The following DCX variants were observed in gnomAD, a reference collection of about 807,000 sequenced individuals.
DCX encodes the protein neuronal migration protein doublecortin.
A neutral mutation model predicts 20.9 loss-of-function variants in DCX; 4 were observed. The observed-to-expected ratio is 0.19, with a 90% CI of 0.09 to 0.44. The LOEUF is 0.44. Among genes scored for constraint, DCX ranks in the 20% least tolerant of loss-of-function variants. The probability of loss-of-function intolerance (pLI) is 0.99; values close to 1 mark genes in which losing one functional copy is unlikely to be tolerated. For missense variants in DCX, 133 were observed against 296.9 expected, an observed-to-expected ratio of 0.45 and a Z score of 4.06; for synonymous variants, 103 against 111.4, an observed-to-expected ratio of 0.92 and a Z score of 0.47.
chrX:111,352,660 A>G (rs1923406214), intron 3 of DCX, among the ~76,000 whole-genome samples: 1 of 111,494 alleles, frequency 9.0e-6, no homozygotes, highest in Non-Finnish European at 1.9e-5. Context: ...TGCTGTACTC[A>G]TTTCATTAGG....
At chrX:111,352,018 C>T (rs1300887660) in intron 3 of DCX, among the ~76,000 whole-genome samples, 4 of 112,049 alleles carry the variant, frequency 3.6e-5, no homozygotes, top group African/African-American at 1.3e-4. Flanking sequence ...AGCCACTGTG[C>T]CTGGCCTGCA....
chrX:111,301,549 T>C lies in DCX; in HGVS notation c.*138A>G. The C allele has an allele frequency of 1.6e-6, 1 of 640,428 alleles. No homozygotes were observed. Among genetic ancestry groups the C allele is most frequent in the Non-Finnish European group, 2.7e-6 (1 of 377,209 alleles). 52.8% of individuals were successfully genotyped at this position (640,428 alleles called of 1,213,427 possible). A position where few individuals can be genotyped will look rare whatever the true frequency, so the allele number is the denominator to read the frequency against. ...GGAAAATAAACCCAACATATTACAATGTGTTTTTCAAAATAACAACAACAA... is the reference window on the plus strand; with the variant it reads ...GGAAAATAAACCCAACATATTACAACGTGTTTTTCAAAATAACAACAACAA... On this transcript the variant is annotated 3_prime_UTR_variant, in exon 7 of 7. Coordinates refer to ENST00000636035, the MANE Select transcript of DCX (RefSeq NM_001195553.2).
chrX:111,343,424 T>A (rs1922484828), intron 3 of DCX, among the ~76,000 whole-genome samples: 1 of 98,500 alleles, frequency 1.0e-5, no homozygotes, highest in African/African-American at 3.8e-5. Context: ...ATTGAGTCAG[T>A]AATTAATAGC....
At chrX:111,372,427 A>G (rs998215544) in intron 3 of DCX, among the ~76,000 whole-genome samples, 3 of 111,850 alleles carry the variant, frequency 2.7e-5, no homozygotes, top group Non-Finnish European at 3.8e-5. Flanking sequence ...AGCTCACTCA[A>G]GCTACATTAT....
At chrX:111,310,492 C>A (rs947114279) in intron 6 of DCX, among the ~76,000 whole-genome samples, 2 of 110,583 alleles carry the variant, frequency 1.8e-5, no homozygotes, top group Non-Finnish European at 3.8e-5. Context: ...ACTAGTGAAT[C>A]CCTGTAAAGA....
intron 3 of DCX, among the ~76,000 whole-genome samples, chrX:111,376,049 G>A (rs1178945770): frequency 2.7e-5 from 3 of 112,167 alleles, no homozygotes; most frequent in Non-Finnish European, 5.6e-5. Context: ...TTAGTAAACT[G>A]ATATTTAGGA....
At chrX:111,307,610 T>C (rs2095048437) in intron 6 of DCX, among the ~76,000 whole-genome samples, 2 of 111,817 alleles carry the variant, frequency 1.8e-5, no homozygotes, top group Non-Finnish European at 3.8e-5. Context: ...TAAGGTTCCT[T>C]CTAGTTCCAA....
intron 3 of DCX, among the ~76,000 whole-genome samples, chrX:111,348,318 G>C (rs1923010810): frequency 8.9e-6 from 1 of 112,186 alleles, no homozygotes; most frequent in Admixed American, 9.4e-5. Flanking sequence ...AGATGTGAAG[G>C]AATAAGACTT....
intron 3 of DCX, among the ~76,000 whole-genome samples, chrX:111,361,822 C>A (rs1324997014): frequency 8.9e-6 from 1 of 111,808 alleles, no homozygotes; most frequent in Non-Finnish European, 1.9e-5. Context: ...TAAATATAAG[C>A]ATGAAAATGA....
chrX:111,307,247 T>G (rs1312160158), intron 6 of DCX, among the ~76,000 whole-genome samples: 1 of 108,929 alleles, frequency 9.2e-6, no homozygotes, highest in East Asian at 2.9e-4. Flanking sequence ...TATGCAGCCG[T>G]ACACAGCAAT....
At chrX:111,323,413 G>A (rs1192688095) in intron 5 of DCX, among the ~76,000 whole-genome samples, 1 of 110,794 alleles carries the variant, frequency 9.0e-6, no homozygotes, top group African/African-American at 3.3e-5. Context: ...TCAATAAATT[G>A]TATTTTCTGT....
intron 3 of DCX, among the ~76,000 whole-genome samples, chrX:111,338,415 G>A (rs758445644): frequency 1.4e-4 from 16 of 111,494 alleles, no homozygotes; most frequent in Non-Finnish European, 2.6e-4. Flanking sequence ...TTTGCAAAAT[G>A]AGTTAATAAA....
chrX:111,362,133 T>C (rs1292872260), intron 3 of DCX, among the ~76,000 whole-genome samples: 2 of 110,991 alleles, frequency 1.8e-5, no homozygotes, highest in African/African-American at 3.3e-5. Context: ...AAGAGAAGGA[T>C]TGTGAAAAAA....
chrX:111,335,520 AT>A (rs1921636333), intron 3 of DCX, among the ~76,000 whole-genome samples: 1 of 112,822 alleles, frequency 8.9e-6, no homozygotes, highest in Non-Finnish European at 1.9e-5. Context: ...GGAGATTAGC[AT>A]TTAGAGACTT....
rs1168723582 is a variant in DCX, at chrX:111,338,776, A to C, written c.706-5623T>G. On this transcript the variant is annotated intron_variant, in intron 3 of 6. Coordinates refer to ENST00000636035, the MANE Select transcript of DCX (RefSeq NM_001195553.2). ...TCTGTGCTGAAATAATAACAATGGC[A>C]CTTACATTTGTATGGTATTTTTACT... Among the ~76,000 whole-genome samples the C allele has an allele frequency of 6.5e-5, 7 of 107,818 alleles. No individual in the cohort carries two copies. In the South Asian group the frequency reaches 1.2e-3, roughly 19 times the overall value. The allele number at this position is 107,818 out of a possible 115,157, so 93.6% of individuals were successfully genotyped here.
rs1397588153 is a variant in DCX at position 111,401,284 on chromosome X, C to T, written c.411G>A (p.Glu137=). ...AGTTGGGATTGACATTCTTGGTGTA[C>T]TCCACCTTTTTAAAGAAGTTGTCTG... is the stretch of plus-strand genomic sequence containing the variant. ...CSSDNFFKKV[E]YTKNVNPNWS... The change falls in exon 3 of 7, where the codon GAG becomes GAA. Residue 137 remains glutamate, a synonymous_variant. Transcript: ENST00000636035. 8.3e-7 allele frequency: 1 copy of T among 1,211,655 alleles called. No homozygotes were observed. Among genetic ancestry groups the T allele is most frequent in the Admixed American group, 2.2e-5 (1 of 46,018 alleles).
At chrX:111,324,222 A>G (rs1234322443) in intron 5 of DCX, among the ~76,000 whole-genome samples, 4 of 111,232 alleles carry the variant, frequency 3.6e-5, no homozygotes, top group African/African-American at 1.3e-4. Flanking sequence ...AGCCATATTC[A>G]TCACCACCTC....
chrX:111,408,686 G>T (rs1928449846), intron 2 of DCX, among the ~76,000 whole-genome samples: 1 of 110,027 alleles, frequency 9.1e-6, no homozygotes, highest in South Asian at 3.9e-4. Context: ...AAGAAAGAAA[G>T]AAAGAAAGGA....
chrX:111,299,998 CACACACACAT>C lies in DCX; in HGVS notation c.*1679_*1688del, dbSNP rs2095030262. 1 of 110,834 alleles carries C rather than the reference CACACACACAT, an allele frequency of 9.0e-6. No individual in the cohort carries two copies. Among genetic ancestry groups the C allele is most frequent in the African/African-American group, 3.3e-5 (1 of 30,370 alleles). The allele number at this position is 110,834 out of a possible 1,213,427, so 9.1% of individuals were successfully genotyped here. ...TGAAGCAGCTGCAGATGCACACACA[CACACACACAT>C]GCACCACCCCCTCCCACCACCACCA... On this transcript the variant is annotated 3_prime_UTR_variant, in exon 7 of 7. Transcript: ENST00000636035.
Sources: allele counts gnomAD v4.1 joint callset (sites outside exome capture counted in the v4.1 genomes callset), GRCh38; gene constraint gnomAD v4.1.1; transcripts MANE v1.5; gene names NCBI Gene and HGNC (gene_info 2026-07-23, HGNC 2026-07-21).